Variants in RIMKLB observed in about 807,000 individuals in gnomAD.
RIMKLB encodes the protein ribosomal modification protein rimK like family member B, also known as beta-citrylglutamate synthase B.
RIMKLB carries 7 observed loss-of-function variants against 32.0 expected under a neutral mutation model. The ratio of observed to expected loss-of-function variants is 0.22; its 90% CI spans 0.12 to 0.41. RIMKLB has a LOEUF of 0.41. RIMKLB is among the 10% of genes least tolerant of loss of function. The pLI, the probability that RIMKLB is intolerant of heterozygous loss-of-function variation, is 1.00. For synonymous variants in RIMKLB, 172 were observed against 185.1 expected (o/e 0.93, Z 0.57); for missense variants, 289 against 498.7 (o/e 0.58, Z 4.00).
chr12:8,677,756 T>C (rs566170525), upstream of RIMKLB, among the ~76,000 whole-genome samples: 5 of 151,370 alleles, frequency 3.3e-5, no homozygotes, highest in South Asian at 1.0e-3. Context: ...CCCTTTTTTT[T>C]TTTCTTCTTT....
chr12:8,696,242 C>T (rs931054097), upstream of RIMKLB, among the ~76,000 whole-genome samples: 2 of 152,062 alleles, frequency 1.3e-5, no homozygotes, highest in Non-Finnish European at 2.9e-5. Flanking sequence ...CTCAAGCTTC[C>T]CTTGATCACA....
At position 8,774,790 on chromosome 12, in the gene RIMKLB, C is replaced by G. The variant is rs145892443; in HGVS notation, c.*1006C>G. 1.0e-6 allele frequency: 1 copy of G among 985,410 alleles called. No homozygotes were observed. The highest frequency in any genetic ancestry group is 1.1e-4 in the East Asian group (1 of 8,816). The allele number at this position is 985,410 out of a possible 1,614,324, so 61.0% of individuals were successfully genotyped here. A position where few individuals can be genotyped will look rare whatever the true frequency, so the allele number is the denominator to read the frequency against. On this transcript the variant is annotated 3_prime_UTR_variant, in exon 6 of 6. Coordinates refer to ENST00000535829, the MANE Select transcript of RIMKLB (RefSeq NM_001297776.2). ...AATATTTTTGGGGGCAAATCAAGAG[C>G]CTATGAGTTCTAAGTATAAAGCTGA...
chr12:8,770,703 T>C (rs997220452), intron 5 of RIMKLB, among the ~76,000 whole-genome samples: 6 of 152,190 alleles, frequency 3.9e-5, no homozygotes, highest in Admixed American at 2.6e-4. Context: ...GGAACACTTA[T>C]TTGACCACGT....
At chr12:8,729,661 A>G (rs1320855618) in intron 2 of RIMKLB, among the ~76,000 whole-genome samples, 1 of 152,102 alleles carries the variant, frequency 6.6e-6, no homozygotes, top group Non-Finnish European at 1.5e-5. Flanking sequence ...TTGGGCCCTC[A>G]CCAGGGATCT....
At chr12:8,772,791 TC>T (rs1950513529) in intron 5 of RIMKLB, among the ~76,000 whole-genome samples, 1 of 152,222 alleles carries the variant, frequency 6.6e-6, no homozygotes, top group South Asian at 2.1e-4. Context: ...AAGTTCTACT[TC>T]CTTTCTCTTC....
At chr12:8,684,787 G>A (rs1269254102) in intron 1 of RIMKLB, among the ~76,000 whole-genome samples, 2 of 151,950 alleles carry the variant, frequency 1.3e-5, no homozygotes, top group African/African-American at 4.8e-5. Context: ...CGCCCAGCTA[G>A]TTTTTTTGTA....
chr12:8,761,532 C>A (rs570452062), intron 5 of RIMKLB, among the ~76,000 whole-genome samples: 9 of 152,122 alleles, frequency 5.9e-5, no homozygotes, highest in Non-Finnish European at 8.8e-5. Flanking sequence ...TGCCCCTCCC[C>A]CTGTGCTCTT....
chr12:8,733,209 G>A (rs996395675), intron 2 of RIMKLB, among the ~76,000 whole-genome samples: 1 of 151,422 alleles, frequency 6.6e-6, no homozygotes, highest in Admixed American at 6.6e-5. Flanking sequence ...GCATAGTACA[G>A]CCCCCAACAA....
intron 1 of RIMKLB, among the ~76,000 whole-genome samples, chr12:8,698,711 C>CT: frequency 6.8e-6 from 1 of 146,360 alleles, no homozygotes; most frequent in African/African-American, 2.6e-5. Flanking sequence ...TCCCCCTCCC[C>CT]CCCCTTCCCA....
At position 8,774,445 on chromosome 12, in the gene RIMKLB, G is replaced by A; in HGVS notation, c.*661G>A. On this transcript the variant is annotated 3_prime_UTR_variant, in exon 6 of 6. Transcript: ENST00000535829. Reference sequence around the variant, plus strand: ...TGATGAAATGGAAATGAACAGTATTGCAATGTCCGGTATACAAAATAACAT... The same window carrying A: ...TGATGAAATGGAAATGAACAGTATTACAATGTCCGGTATACAAAATAACAT... The A allele has an allele frequency of 1.0e-6, 1 of 985,432 alleles. No individual in the cohort carries two copies. Among genetic ancestry groups the A allele is most frequent in the Non-Finnish European group, 1.2e-6 (1 of 829,658 alleles). The allele number at this position is 985,432 out of a possible 1,614,324, so 61.0% of individuals were successfully genotyped here.
intron 5 of RIMKLB, among the ~76,000 whole-genome samples, chr12:8,768,578 G>A (rs1950160037): frequency 6.6e-6 from 1 of 152,168 alleles, no homozygotes; most frequent in Admixed American, 6.5e-5. Context: ...GTATTGGGGA[G>A]TTTTCAGTCT....
upstream of RIMKLB, among the ~76,000 whole-genome samples, chr12:8,678,512 G>GTCCA (rs1942358245): frequency 6.6e-6 from 1 of 151,896 alleles, no homozygotes; most frequent in South Asian, 2.1e-4. Flanking sequence ...GTTTTTAATA[G>GTCCA]AGACGGGGTT....
intron 2 of RIMKLB, among the ~76,000 whole-genome samples, chr12:8,721,575 G>T (rs972120915): frequency 1.6e-4 from 25 of 152,048 alleles, no homozygotes; most frequent in Non-Finnish European, 2.9e-4. Flanking sequence ...CCCGTCTCAG[G>T]CTACACTCTC....
At chr12:8,717,844 C>T (rs1945015050) in intron 2 of RIMKLB, among the ~76,000 whole-genome samples, 1 of 152,136 alleles carries the variant, frequency 6.6e-6, no homozygotes, top group Non-Finnish European at 1.5e-5. Context: ...TTGCCTAATC[C>T]TCCAAGTTTT....
intron 1 of RIMKLB, among the ~76,000 whole-genome samples, chr12:8,686,176 A>G (rs1942565514): frequency 6.6e-6 from 1 of 151,966 alleles, no homozygotes; most frequent in South Asian, 2.1e-4. Context: ...TCCTGACCTC[A>G]GCTGATCCAC....
At chr12:8,727,758 G>A (rs949713677) in intron 2 of RIMKLB, among the ~76,000 whole-genome samples, 21 of 152,198 alleles carry the variant, frequency 1.4e-4, no homozygotes, top group Non-Finnish European at 3.1e-4. Flanking sequence ...AATTAGCCAG[G>A]CATAGTGGCG....
upstream of RIMKLB, among the ~76,000 whole-genome samples, chr12:8,693,721 A>G (rs963723948): frequency 1.3e-5 from 2 of 152,146 alleles, no homozygotes; most frequent in Non-Finnish European, 2.9e-5. Flanking sequence ...TAGTTGTCAT[A>G]TTCTAATCAG....
At chr12:8,700,881 C>T (rs767390404) in intron 1 of RIMKLB, among the ~76,000 whole-genome samples, 5 of 152,202 alleles carry the variant, frequency 3.3e-5, no homozygotes, top group Non-Finnish European at 5.9e-5. Flanking sequence ...GCCTGGCCAA[C>T]ATGGCGAAAC....
At position 8,756,409 on chromosome 12, in the gene RIMKLB, G is replaced by C. The variant is rs768592363; in HGVS notation, c.697+2316G>C. ...GCCCCAGATTCCTACTTATCTCTCT[G>C]AGATCTATAATCACATGGATGAATC... is the stretch of plus-strand genomic sequence containing the variant. On this transcript the variant is annotated intron_variant, in intron 5 of 5. Coordinates refer to ENST00000535829, the MANE Select transcript of RIMKLB (RefSeq NM_001297776.2). Among the ~76,000 whole-genome samples, 4 of 152,108 alleles carry C rather than the reference G, an allele frequency of 2.6e-5. No individual in the cohort carries two copies. In the South Asian group the frequency reaches 6.2e-4, roughly 24 times the overall value.
Sources: gnomAD v4.1 joint callset for allele counts (sites outside exome capture counted in the v4.1 genomes callset) on GRCh38, gnomAD v4.1.1 for gene constraint, MANE v1.5 for transcripts, NCBI Gene and HGNC (gene_info 2026-07-23, HGNC 2026-07-21) for gene names.